Variants in SPPL3 observed in about 807,000 individuals in gnomAD.
The protein encoded by SPPL3 is signal peptide peptidase-like 3.
SPPL3 carries 5 observed loss-of-function variants against 42.4 expected under a neutral mutation model. The observed-to-expected ratio is 0.12, with a 90% CI of 0.06 to 0.25. SPPL3 has a LOEUF of 0.25. Ranked by LOEUF, SPPL3 falls within the 10% of genes least tolerant of loss-of-function variation. The pLI, the probability that SPPL3 is intolerant of heterozygous loss-of-function variation, is 1.00. For synonymous variants in SPPL3, 195 were observed against 181.8 expected (o/e 1.07, Z -0.58); for missense variants, 235 against 489.0 (o/e 0.48, Z 4.90).
intron 1 of SPPL3, among the ~76,000 whole-genome samples, chr12:120,820,625 A>G (rs1198086004): frequency 2.0e-5 from 3 of 152,136 alleles, no homozygotes; most frequent in Non-Finnish European, 1.5e-5. Flanking sequence ...CTATCTAAAA[A>G]TATTAGTCTA....
At chr12:120,801,988 GTGCCTTAA>G (rs1870312178) in intron 2 of SPPL3, among the ~76,000 whole-genome samples, 1 of 152,166 alleles carries the variant, frequency 6.6e-6, no homozygotes, top group African/African-American at 2.4e-5. Context: ...TATTCTGTGA[GTGCCTTAA>G]TAAGATTTTA....
chr12:120,886,917 C>A (rs1487814865), intron 1 of SPPL3, among the ~76,000 whole-genome samples: 2 of 151,926 alleles, frequency 1.3e-5, no homozygotes, highest in African/African-American at 2.4e-5. Context: ...AGATCTTGTA[C>A]TAAAAAAAGT....
intron 5 of SPPL3, 48 bp from the exon 6 acceptor site, chr12:120,782,815 T>G (rs774418668): frequency 1.2e-5 from 17 of 1,369,628 alleles, no homozygotes; most frequent in Non-Finnish European, 1.7e-5. Context: ...CTTTATTCAG[T>G]AACCAAATTC....
chr12:120,781,555 GTTTTTTT>G lies in SPPL3; in HGVS notation c.502+1093_502+1099del, dbSNP rs527339173. Among the ~76,000 whole-genome samples, 367 of 62,994 alleles carry G rather than the reference GTTTTTTT, an allele frequency of 5.8e-3. 5 individuals carry two copies. Among genetic ancestry groups the G allele is most frequent in the African/African-American group, 0.021 (303 of 14,636 alleles). The allele number at this position is 62,994 out of a possible 152,430, so 41.3% of individuals were successfully genotyped here. On this transcript the variant is annotated intron_variant, in intron 6 of 10. Coordinates refer to ENST00000353487, the MANE Select transcript of SPPL3 (RefSeq NM_139015.5). Reference sequence around the variant, plus strand: ...TCTAATCCCATCTCCTTATTGTTACGTTTTTTTTTTTTTTTTTTTTTTTTTTTTTTTT... The same window carrying G: ...TCTAATCCCATCTCCTTATTGTTACGTTTTTTTTTTTTTTTTTTTTTTTTT...
intron 1 of SPPL3, among the ~76,000 whole-genome samples, chr12:120,857,734 A>C (rs1331447475): frequency 6.6e-6 from 1 of 152,184 alleles, no homozygotes; most frequent in African/African-American, 2.4e-5. Context: ...ACCAAATATC[A>C]CATGTTCTCA....
intron 1 of SPPL3, among the ~76,000 whole-genome samples, chr12:120,821,650 T>C (rs1871074953): frequency 6.6e-6 from 1 of 152,198 alleles, no homozygotes; most frequent in Non-Finnish European, 1.5e-5. Flanking sequence ...GTTAACATGC[T>C]GGTTGAAATT....
At chr12:120,885,592 T>G (rs546889163) in intron 1 of SPPL3, among the ~76,000 whole-genome samples, 8 of 152,290 alleles carry the variant, frequency 5.3e-5, no homozygotes, top group Admixed American at 2.6e-4. Context: ...TATCTAAACA[T>G]GCAAGTGCCC....
chr12:120,781,555 G>GTGTTTTTTTTTTT lies in SPPL3; in HGVS notation c.502+1099_502+1100insAAAAAAAAAAACA, dbSNP rs1869541007. On this transcript the variant is annotated intron_variant, in intron 6 of 10. Coordinates refer to ENST00000353487, the MANE Select transcript of SPPL3 (RefSeq NM_139015.5). ...TCTAATCCCATCTCCTTATTGTTAC[G>GTGTTTTTTTTTTT]TTTTTTTTTTTTTTTTTTTTTTTTT... Among the ~76,000 whole-genome samples the GTGTTTTTTTTTTT allele has an allele frequency of 5.9e-4, 37 of 63,010 alleles. 6 individuals are homozygous for GTGTTTTTTTTTTT. Among genetic ancestry groups the GTGTTTTTTTTTTT allele is most frequent in the East Asian group, 3.5e-3 (7 of 1,974 alleles). The allele number at this position is 63,010 out of a possible 152,430, so 41.3% of individuals were successfully genotyped here.
At chr12:120,790,667 T>C (rs1443987766) in intron 3 of SPPL3, among the ~76,000 whole-genome samples, 1 of 152,198 alleles carries the variant, frequency 6.6e-6, no homozygotes, top group Admixed American at 6.5e-5. Context: ...CTCTTTATGC[T>C]CTTTCTACAT....
intron 1 of SPPL3, among the ~76,000 whole-genome samples, chr12:120,847,940 G>T (rs1872097484): frequency 6.6e-6 from 1 of 152,128 alleles, no homozygotes; most frequent in Non-Finnish European, 1.5e-5. Flanking sequence ...ATAATCACAA[G>T]TTTGGGGAGA....
At chr12:120,788,408 C>T (rs1592962459) in intron 3 of SPPL3, among the ~76,000 whole-genome samples, 2 of 152,222 alleles carry the variant, frequency 1.3e-5, no homozygotes, top group East Asian at 1.9e-4. Context: ...TACCCTAGGG[C>T]ACCCTGCAGC....
chr12:120,789,824 CAAAA>C lies in SPPL3; in HGVS notation c.190+1641_190+1644del, dbSNP rs3050392. Among the ~76,000 whole-genome samples, 15 of 30,462 alleles carry C rather than the reference CAAAA, an allele frequency of 4.9e-4. No homozygotes were observed. In the South Asian group the frequency reaches 8.3e-3, roughly 17 times the overall value. The allele number at this position is 30,462 out of a possible 152,430, so 20.0% of individuals were successfully genotyped here. A position where few individuals can be genotyped will look rare whatever the true frequency, so the allele number is the denominator to read the frequency against. ...TGAATGACAGAGCAAGACTCCGTCT[CAAAA>C]AAAAAAAAAAAAAAAAAAAAAAAGA... On this transcript the variant is annotated intron_variant, in intron 3 of 10. Coordinates refer to ENST00000353487, the MANE Select transcript of SPPL3 (RefSeq NM_139015.5).
intron 8 of SPPL3, among the ~76,000 whole-genome samples, chr12:120,767,886 T>C (rs993133919): frequency 6.6e-6 from 1 of 152,204 alleles, no homozygotes; most frequent in African/African-American, 2.4e-5. Context: ...AATTCATCAT[T>C]TGTGACACAT....
chr12:120,778,655 T>TA (rs1380192438), intron 6 of SPPL3, among the ~76,000 whole-genome samples: 1 of 152,244 alleles, frequency 6.6e-6, no homozygotes, highest in Non-Finnish European at 1.5e-5. Context: ...AAGTATAACT[T>TA]ATATTTGTAT....
chr12:120,781,831 G>A (rs981357745), intron 6 of SPPL3, among the ~76,000 whole-genome samples: 3 of 151,384 alleles, frequency 2.0e-5, no homozygotes, highest in South Asian at 4.2e-4. Flanking sequence ...CTTGTGATCC[G>A]CCTGCCTCAG....
chr12:120,848,916 A>T (rs1437490137), intron 1 of SPPL3, among the ~76,000 whole-genome samples: 1 of 151,986 alleles, frequency 6.6e-6, no homozygotes, highest in Non-Finnish European at 1.5e-5. Flanking sequence ...TTTGTGTAAC[A>T]CTCAATTTTG....
chr12:120,782,401 C>T (rs1869574889), intron 6 of SPPL3, among the ~76,000 whole-genome samples: 3 of 152,056 alleles, frequency 2.0e-5, no homozygotes, highest in Admixed American at 6.5e-5. Flanking sequence ...CAAAAGGCCA[C>T]ATAATGTATG....
intron 2 of SPPL3, among the ~76,000 whole-genome samples, chr12:120,799,417 A>G (rs1870214047): frequency 6.6e-6 from 1 of 152,238 alleles, no homozygotes; most frequent in Non-Finnish European, 1.5e-5. Flanking sequence ...TTGAACCATC[A>G]TTAAGTCAAA....
At chr12:120,897,375 T>C (rs1178420585) in intron 1 of SPPL3, among the ~76,000 whole-genome samples, 1 of 152,208 alleles carries the variant, frequency 6.6e-6, no homozygotes, top group Non-Finnish European at 1.5e-5. Context: ...AAATCACACA[T>C]CACCCAAACA....
Sources: gnomAD v4.1 joint callset for allele counts (sites outside exome capture counted in the v4.1 genomes callset) on GRCh38, gnomAD v4.1.1 for gene constraint, MANE v1.5 for transcripts, NCBI Gene and HGNC (gene_info 2026-07-23, HGNC 2026-07-21) for gene names.